Variants in MEI4 observed in about 807,000 individuals in gnomAD.
MEI4 encodes the protein meiotic double-stranded break formation protein 4.
In MEI4, 27 loss-of-function variants were observed where a neutral mutation model predicts 31.4. That is an observed-to-expected ratio of 0.86 (90% CI 0.63 to 1.19). The LOEUF (loss-of-function observed/expected upper bound fraction) is 1.19. Among genes scored for constraint, MEI4 ranks in the 50% most tolerant of loss-of-function variants. The pLI is 0.00. For synonymous variants in MEI4, 122 were observed against 145.4 expected, an observed-to-expected ratio of 0.84 and a Z score of 1.16; for missense variants, 329 against 398.9, an observed-to-expected ratio of 0.82 and a Z score of 1.49.
chr6:77,873,350 C>A (rs1771246230), intron 4 of MEI4, among the ~76,000 whole-genome samples: 1 of 152,138 alleles, frequency 6.6e-6, no homozygotes, highest in African/African-American at 2.4e-5. Context: ...GCTCTGATGG[C>A]CAGTGATGGT....
intron 2 of MEI4, 57 bp from the exon 3 acceptor site, chr6:77,761,073 T>A (rs1768032979): frequency 6.0e-6 from 7 of 1,159,460 alleles, no homozygotes; most frequent in Non-Finnish European, 6.5e-6. Flanking sequence ...ATGGCTAGTT[T>A]TACATGAAGA....
chr6:77,800,210 C>T (rs564793513), intron 3 of MEI4, among the ~76,000 whole-genome samples: 25 of 152,220 alleles, frequency 1.6e-4, no homozygotes, highest in African/African-American at 5.3e-4. Flanking sequence ...AGGTCTTTCA[C>T]ATACCTTGTA....
chr6:77,760,525 A>C (rs1419791689), intron 2 of MEI4, among the ~76,000 whole-genome samples: 1 of 152,166 alleles, frequency 6.6e-6, no homozygotes, highest in Admixed American at 6.6e-5. Context: ...AGCAACATCA[A>C]ATTACTTGAG....
At chr6:77,768,402 A>G (rs964298824) in intron 3 of MEI4, among the ~76,000 whole-genome samples, 1 of 152,102 alleles carries the variant, frequency 6.6e-6, no homozygotes, top group South Asian at 2.1e-4. Flanking sequence ...TTATGTGTAA[A>G]AATGTATGTT....
intron 4 of MEI4, among the ~76,000 whole-genome samples, chr6:77,887,814 T>G (rs1391845378): frequency 6.6e-6 from 1 of 152,152 alleles, no homozygotes; most frequent in Non-Finnish European, 1.5e-5. Flanking sequence ...GCTCAGATTG[T>G]TTTTCTTAGT....
chr6:77,704,292 C>A (rs556335759), intron 2 of MEI4, among the ~76,000 whole-genome samples: 8 of 152,102 alleles, frequency 5.3e-5, no homozygotes, highest in Non-Finnish European at 8.8e-5. Context: ...TGTCCTGGCC[C>A]CATTGTTTCT....
chr6:77,761,091 G>T (rs1375650404), intron 2 of MEI4, 39 bp from the exon 3 acceptor site: 10 of 1,216,552 alleles, frequency 8.2e-6, no homozygotes, highest in Non-Finnish European at 1.0e-5. Context: ...AGAAATTTCA[G>T]CTGCATGAAG....
At chr6:77,786,187 A>C (rs1768730635) in intron 3 of MEI4, among the ~76,000 whole-genome samples, 1 of 152,138 alleles carries the variant, frequency 6.6e-6, no homozygotes. Context: ...CTAAGGAAAA[A>C]TATAGTGAAG....
At chr6:77,746,803 T>G (rs1210037866) in intron 2 of MEI4, among the ~76,000 whole-genome samples, 2 of 152,084 alleles carry the variant, frequency 1.3e-5, no homozygotes, top group African/African-American at 2.4e-5. Flanking sequence ...AGGATGGTTT[T>G]TTACTCTGGC....
At position 77,678,159 on chromosome 6, in the gene MEI4, C is replaced by G. The variant is rs1312784632; in HGVS notation, c.-14-12499C>G. ...GATTTATGCTATTATCAGTAAAACA[C>G]CCCTTTCATTATCACAAGATAGCAT... On this transcript the variant is annotated intron_variant, in intron 1 of 4. Coordinates refer to ENST00000684080, the MANE Select transcript of MEI4 (RefSeq NM_001322247.2). Among the ~76,000 whole-genome samples, 4 of 152,154 alleles carry G rather than the reference C, an allele frequency of 2.6e-5. No homozygotes were observed. The South Asian group carries it at 8.3e-4, about 32-fold the overall frequency.
chr6:77,800,749 T>A (rs1328151355), intron 3 of MEI4, among the ~76,000 whole-genome samples: 1 of 152,212 alleles, frequency 6.6e-6, no homozygotes, highest in African/African-American at 2.4e-5. Context: ...ATTGAGATAA[T>A]CATGTGGTTT....
intron 3 of MEI4, among the ~76,000 whole-genome samples, chr6:77,801,032 T>C (rs1272690462): frequency 1.4e-5 from 2 of 145,940 alleles, no homozygotes; most frequent in Admixed American, 7.7e-5. Context: ...GGATTCCCTC[T>C]TTTTCTATTG....
chr6:77,891,772 A>T (rs547218385), intron 4 of MEI4, among the ~76,000 whole-genome samples: 3 of 152,138 alleles, frequency 2.0e-5, no homozygotes, highest in Non-Finnish European at 4.4e-5. Context: ...ATTGATTTTC[A>T]TAGGGAAAGA....
At chr6:77,840,044 A>C (rs569707466) in intron 4 of MEI4, among the ~76,000 whole-genome samples, 1 of 152,346 alleles carries the variant, frequency 6.6e-6, no homozygotes, top group African/African-American at 2.4e-5. Flanking sequence ...TAATCCTGAA[A>C]TGAATGAAAT....
At chr6:77,838,771 G>A (rs2127713951) in intron 4 of MEI4, among the ~76,000 whole-genome samples, 1 of 151,986 alleles carries the variant, frequency 6.6e-6, no homozygotes, top group East Asian at 1.9e-4. Flanking sequence ...GGGTGTGGTG[G>A]TGGTGCCTTT....
At chr6:77,902,778 C>A (rs1766211316) in intron 4 of MEI4, among the ~76,000 whole-genome samples, 1 of 152,030 alleles carries the variant, frequency 6.6e-6, no homozygotes, top group Non-Finnish European at 1.5e-5. Context: ...ACATGGAAAG[C>A]CCCCTCCTGG....
chr6:77,716,881 T>C lies in MEI4; in HGVS notation c.232+25978T>C, dbSNP rs943221141. ...GTCAAGCAAGGTAGAAAATGATGACTGTCCATTTAAGTGACCAGGAGGTCA... is the reference window on the plus strand; with the variant it reads ...GTCAAGCAAGGTAGAAAATGATGACCGTCCATTTAAGTGACCAGGAGGTCA... On this transcript the variant is annotated intron_variant, in intron 2 of 4. Coordinates refer to ENST00000684080, the MANE Select transcript of MEI4 (RefSeq NM_001322247.2). 6 of 983,150 alleles carry C rather than the reference T, an allele frequency of 6.1e-6. No individual in the cohort carries two copies. In the African/African-American group the frequency reaches 1.0e-4, roughly 17 times the overall value. The allele number at this position is 983,150 out of a possible 1,614,324, so 60.9% of individuals were successfully genotyped here.
chr6:77,677,009 G>T (rs1345544319), intron 1 of MEI4, among the ~76,000 whole-genome samples: 6 of 152,000 alleles, frequency 3.9e-5, no homozygotes, highest in Non-Finnish European at 8.8e-5. Flanking sequence ...AGTCATTGTA[G>T]GTAAAAATAC....
At chr6:77,828,879 C>T (rs1445750982) in intron 3 of MEI4, 52 bp from the exon 4 acceptor site, 10 of 1,214,546 alleles carry the variant, frequency 8.2e-6, no homozygotes, top group Non-Finnish European at 8.2e-6. Flanking sequence ...TTAGAAAATA[C>T]ATTTTGATTT....
Sources: gnomAD v4.1 joint callset for allele counts (sites outside exome capture counted in the v4.1 genomes callset) on GRCh38, gnomAD v4.1.1 for gene constraint, MANE v1.5 for transcripts, NCBI Gene and HGNC (gene_info 2026-07-23, HGNC 2026-07-21) for gene names.